The following NELL2 variants were observed in gnomAD, a reference collection of about 807,000 sequenced individuals.
NELL2 encodes the protein protein kinase C-binding protein NELL2.
A neutral mutation model predicts 109.6 loss-of-function variants in NELL2; 41 were observed. That is an observed-to-expected ratio of 0.37 (90% CI 0.29 to 0.49). The LOEUF (loss-of-function observed/expected upper bound fraction) is 0.49, where lower values mean the gene tolerates loss of function less well. NELL2 is among the 20% of genes least tolerant of loss of function. The pLI is 0.98. For synonymous variants in NELL2, 355 were observed against 344.7 expected, an observed-to-expected ratio of 1.03 and a Z score of -0.33; for missense variants, 900 against 1,008.3, an observed-to-expected ratio of 0.89 and a Z score of 1.45.
chr12:44,770,372 C>A lies in NELL2; in HGVS notation c.994+4375G>T, dbSNP rs368346025. On this transcript the variant is annotated intron_variant, in intron 9 of 19. Transcript: ENST00000429094. The stretch of plus-strand genomic sequence containing the variant: ...TATTTCCATTATACATATGAGGCAA[C>A]TGAGTCCATGAGAGGTTAAGCAATT... 1.6e-4 allele frequency among the ~76,000 whole-genome samples: 25 copies of A among 152,200 alleles called. No individual in the cohort carries two copies. The East Asian group carries it at 4.5e-3, about 27-fold the overall frequency.
chr12:44,696,275 A>ACTCTGG (rs1949060308), intron 12 of NELL2, among the ~76,000 whole-genome samples: 1 of 152,148 alleles, frequency 6.6e-6, no homozygotes, highest in Admixed American at 6.5e-5. Context: ...GAGGATTCCA[A>ACTCTGG]CTCTGGCACA....
At chr12:44,827,128 C>A (rs1943735731) in intron 2 of NELL2, among the ~76,000 whole-genome samples, 1 of 152,088 alleles carries the variant, frequency 6.6e-6, no homozygotes, top group African/African-American at 2.4e-5. Flanking sequence ...GAGTTCCCCA[C>A]AAACCCACAA....
intron 3 of NELL2, among the ~76,000 whole-genome samples, chr12:44,790,841 A>T (rs1327727658): frequency 1.3e-5 from 2 of 151,672 alleles, no homozygotes; most frequent in Non-Finnish European, 2.9e-5. Context: ...GCAAATGGAC[A>T]CAAAAAGCCA....
At chr12:44,879,018 C>T (rs981333084), upstream of NELL2, among the ~76,000 whole-genome samples, 32 of 151,568 alleles carry the variant, frequency 2.1e-4, no homozygotes, top group African/African-American at 7.8e-4. Flanking sequence ...CTGGGTATGC[C>T]CAATATAATC....
At chr12:44,802,938 T>C (rs1942883189) in intron 3 of NELL2, among the ~76,000 whole-genome samples, 1 of 151,954 alleles carries the variant, frequency 6.6e-6, no homozygotes, top group African/African-American at 2.4e-5. Context: ...TTCGAATTTC[T>C]CCCTGATAAA....
chr12:44,608,326 C>T (rs1210229469), intron 14 of NELL2, among the ~76,000 whole-genome samples: 1 of 151,982 alleles, frequency 6.6e-6, no homozygotes, highest in Non-Finnish European at 1.5e-5. Context: ...GAAATGGACT[C>T]AAAGAGTCCA....
chr12:44,606,477 A>G (rs1285472138), intron 15 of NELL2, among the ~76,000 whole-genome samples: 1 of 152,084 alleles, frequency 6.6e-6, no homozygotes, highest in Non-Finnish European at 1.5e-5. Context: ...AACCAAAACC[A>G]CTACTAGTAT....
chr12:44,728,777 C>A (rs986126676), intron 9 of NELL2, among the ~76,000 whole-genome samples: 1 of 152,136 alleles, frequency 6.6e-6, no homozygotes, highest in African/African-American at 2.4e-5. Flanking sequence ...ATCAGACTAT[C>A]AGCAGAATTA....
intron 9 of NELL2, among the ~76,000 whole-genome samples, chr12:44,715,094 G>A (rs1373051856): frequency 2.0e-5 from 3 of 151,400 alleles, no homozygotes; most frequent in Admixed American, 6.6e-5. Context: ...ATAAATCAGG[G>A]GTAATATGAG....
At chr12:44,810,763 C>T (rs1057358904) in intron 3 of NELL2, among the ~76,000 whole-genome samples, 8 of 151,926 alleles carry the variant, frequency 5.3e-5, no homozygotes, top group African/African-American at 1.7e-4. Flanking sequence ...TAGTGGCTGC[C>T]GTCAGGGATA....
intron 3 of NELL2, among the ~76,000 whole-genome samples, chr12:44,787,703 A>T (rs1411503694): frequency 6.6e-6 from 1 of 152,208 alleles, no homozygotes; most frequent in African/African-American, 2.4e-5. Context: ...CAATGGAGAA[A>T]AATATAGCTT....
chr12:44,715,227 T>C (rs1938424424), intron 9 of NELL2, among the ~76,000 whole-genome samples: 1 of 150,460 alleles, frequency 6.6e-6, no homozygotes, highest in Non-Finnish European at 1.5e-5. Flanking sequence ...TTAAGTTTTA[T>C]GGTTTAGTGT....
chr12:44,738,465 T>C (rs529875495), intron 9 of NELL2, among the ~76,000 whole-genome samples: 2 of 150,168 alleles, frequency 1.3e-5, no homozygotes, highest in East Asian at 3.9e-4. Context: ...CACAATGGAA[T>C]ATTATTTATC....
intron 15 of NELL2, among the ~76,000 whole-genome samples, chr12:44,536,184 C>T (rs1278402184): frequency 6.6e-6 from 1 of 151,920 alleles, no homozygotes; most frequent in East Asian, 1.9e-4. Flanking sequence ...TCTAATAAAA[C>T]AGTCTCATCT....
rs540099081 is a variant in NELL2, at chr12:44,799,431, T to C, written c.335+16555A>G. Among the ~76,000 whole-genome samples, 6 of 152,216 alleles carry C rather than the reference T, an allele frequency of 3.9e-5. No homozygotes were observed. In the South Asian group the frequency reaches 1.2e-3, roughly 32 times the overall value. Reference sequence around the variant, plus strand: ...GTCCCTGCTGCAACTCAAAGGATGTTAATGATATTTGAAAAAAATAAAGAA... The same window carrying C: ...GTCCCTGCTGCAACTCAAAGGATGTCAATGATATTTGAAAAAAATAAAGAA... On this transcript the variant is annotated intron_variant, in intron 3 of 19. Coordinates refer to ENST00000429094, the MANE Select transcript of NELL2 (RefSeq NM_001145108.2).
intron 9 of NELL2, among the ~76,000 whole-genome samples, chr12:44,736,063 C>T (rs1474744549): frequency 1.5e-4 from 21 of 138,848 alleles, no homozygotes; most frequent in Middle Eastern, 4.6e-3. Context: ...CAGGCTGGAG[C>T]GCAGTGGCGC....
At chr12:44,543,088 T>G (rs1942650156) in intron 15 of NELL2, among the ~76,000 whole-genome samples, 1 of 152,194 alleles carries the variant, frequency 6.6e-6, no homozygotes, top group African/African-American at 2.4e-5. Flanking sequence ...CAGTATCTTA[T>G]TTACATTTTT....
chr12:44,524,324 C>T (rs1297237602), intron 16 of NELL2, among the ~76,000 whole-genome samples: 2 of 152,138 alleles, frequency 1.3e-5, no homozygotes, highest in Admixed American at 6.5e-5. Flanking sequence ...TATTTACCCC[C>T]GTAATTTAAA....
chr12:44,594,883 C>T (rs1944898160), intron 15 of NELL2, among the ~76,000 whole-genome samples: 1 of 152,044 alleles, frequency 6.6e-6, no homozygotes, highest in South Asian at 2.1e-4. Flanking sequence ...AGATTCAGTA[C>T]CTTCTGGTTT....
Sources: gnomAD v4.1 joint callset for allele counts (sites outside exome capture counted in the v4.1 genomes callset) on GRCh38, gnomAD v4.1.1 for gene constraint, MANE v1.5 for transcripts, NCBI Gene and HGNC (gene_info 2026-07-23, HGNC 2026-07-21) for gene names.